GPR161: variants seen among roughly 807,000 people sequenced by gnomAD.
GPR161 encodes G protein-coupled receptor 161, also known as G-protein coupled receptor RE2.
A neutral mutation model predicts 39.2 loss-of-function variants in GPR161; 25 were observed. The ratio of observed to expected loss-of-function variants is 0.64; its 90% CI spans 0.47 to 0.89. The LOEUF (loss-of-function observed/expected upper bound fraction) is 0.89, where lower values mean the gene tolerates loss of function less well. GPR161 is among the 40% of genes least tolerant of loss of function. GPR161 has a pLI of 0.00. For synonymous variants in GPR161, 286 were observed against 276.6 expected (o/e 1.03, Z -0.34); for missense variants, 547 against 677.8 (o/e 0.81, Z 2.14).
intron 4 of GPR161, 60 bp from the exon 5 acceptor site, chr1:168,087,764 CT>C: frequency 6.5e-7 from 1 of 1,533,366 alleles, no homozygotes; most frequent in African/African-American, 1.4e-5. Context: ...CTGGCCTCTT[CT>C]CCCCTCTCAA....
Position 168,084,598 on chromosome 1 carries a change from G to A in GPR161, c.*933C>T. 2.8e-6 allele frequency: 1 copy of A among 360,760 alleles called. No homozygotes were observed. Among genetic ancestry groups the A allele is most frequent in the Non-Finnish European group, 5.4e-6 (1 of 185,372 alleles). 22.3% of individuals were successfully genotyped at this position (360,760 alleles called of 1,614,324 possible). A position where few individuals can be genotyped will look rare whatever the true frequency, so the allele number is the denominator to read the frequency against. The stretch of plus-strand genomic sequence containing the variant: ...TCTTGGGAGTGTGCCATGCAGAACT[G>A]AGGCCAGCTATTTTCATTGGTCACT... On this transcript the variant is annotated 3_prime_UTR_variant, in exon 6 of 6. Coordinates refer to ENST00000682931, the MANE Select transcript of GPR161 (RefSeq NM_001375883.1).
At chr1:168,090,035 C>G (rs891627906) in intron 4 of GPR161, among the ~76,000 whole-genome samples, 1 of 152,216 alleles carries the variant, frequency 6.6e-6, no homozygotes, top group African/African-American at 2.4e-5. Flanking sequence ...AGGGCTCCTT[C>G]TGTGCCAAGA....
At chr1:168,133,361 C>T (rs1399530217) in intron 1 of GPR161, among the ~76,000 whole-genome samples, 1 of 152,142 alleles carries the variant, frequency 6.6e-6, no homozygotes, top group Non-Finnish European at 1.5e-5. Context: ...ACAGATCCCA[C>T]GTCCAGGAAC....
At chr1:168,137,441 C>T, upstream of GPR161, 1 of 1,508,314 alleles carries the variant, frequency 6.6e-7, no homozygotes, top group South Asian at 1.2e-5. Context: ...TTCTGCCAGG[C>T]TCTGTCCCGG....
In GPR161 at chr1:168,080,143, A is replaced by T. The variant is rs1477263579; in HGVS notation, c.*5388T>A. 1.3e-5 allele frequency: 2 copies of T among 152,188 alleles called. No individual in the cohort carries two copies. The highest frequency in any genetic ancestry group is 4.8e-5 in the African/African-American group (2 of 41,446). 9.4% of individuals were successfully genotyped at this position (152,188 alleles called of 1,614,324 possible). On this transcript the variant is annotated 3_prime_UTR_variant, in exon 6 of 6. Transcript: ENST00000682931. ...AGTATTTGTTAGATACTTTCCAGTG[A>T]GTCCAGTCACTTTCCTTGGGCCTTC... is the stretch of plus-strand genomic sequence containing the variant.
chr1:168,117,983 GAAAGAAAC>G (rs1274657003), intron 1 of GPR161, among the ~76,000 whole-genome samples: 3 of 140,500 alleles, frequency 2.1e-5, no homozygotes, highest in East Asian at 4.2e-4. Context: ...TTTAAAAACA[GAAAGAAAC>G]AAACAAATAA....
intron 3 of GPR161, among the ~76,000 whole-genome samples, chr1:168,094,101 G>T (rs573851481): frequency 1.3e-5 from 2 of 152,302 alleles, no homozygotes; most frequent in South Asian, 4.1e-4. Flanking sequence ...GGTGTTTTCC[G>T]CCTGTGCTCA....
At chr1:168,119,233 T>TATATACATATATATGTATAC (rs1697914188) in intron 1 of GPR161, among the ~76,000 whole-genome samples, 19 of 118,568 alleles carry the variant, frequency 1.6e-4, no homozygotes, top group African/African-American at 4.0e-4. Flanking sequence ...TATACGTATA[T>TATATACATATATATGTATAC]ATATATATAC....
chr1:168,137,176 G>A, upstream of GPR161: 2 of 1,385,650 alleles, frequency 1.4e-6, no homozygotes, highest in South Asian at 3.3e-5. Flanking sequence ...CTCTCGGCTC[G>A]CCCCACTTTT....
rs558592087 is a variant in GPR161, at chr1:168,084,643, C to G, written c.*888G>C. ...GTCACTCAAACATCACACATAGAAT[C>G]TATTTAATGAGGCTTTCCCATGTGA... is the stretch of plus-strand genomic sequence containing the variant. On this transcript the variant is annotated 3_prime_UTR_variant, in exon 6 of 6. Coordinates refer to ENST00000682931, the MANE Select transcript of GPR161 (RefSeq NM_001375883.1). The G allele has an allele frequency of 5.5e-6, 2 of 364,702 alleles. No homozygotes were observed. Among genetic ancestry groups the G allele is most frequent in the Admixed American group, 7.4e-5 (2 of 26,974 alleles). 22.6% of individuals were successfully genotyped at this position (364,702 alleles called of 1,614,324 possible). A position where few individuals can be genotyped will look rare whatever the true frequency, so the allele number is the denominator to read the frequency against.
At chr1:168,112,022 G>A (rs956389625) in intron 1 of GPR161, among the ~76,000 whole-genome samples, 7 of 151,190 alleles carry the variant, frequency 4.6e-5, no homozygotes, top group African/African-American at 1.7e-4. Context: ...AGGAACCTTT[G>A]CCCTAAAGTT....
intron 1 of GPR161, among the ~76,000 whole-genome samples, chr1:168,126,732 A>G (rs1237468583): frequency 6.6e-6 from 1 of 152,136 alleles, no homozygotes; most frequent in Non-Finnish European, 1.5e-5. Context: ...GGGATTACAG[A>G]TATGAGTCAC....
intron 1 of GPR161, among the ~76,000 whole-genome samples, chr1:168,115,839 G>A (rs1227574953): frequency 3.3e-5 from 5 of 151,568 alleles, no homozygotes; most frequent in Admixed American, 2.6e-4. Context: ...GCAGTGGCGC[G>A]ATCTCGGCTC....
chr1:168,136,530 C>T (rs919821572), intron 1 of GPR161: 417 of 1,264,280 alleles, frequency 3.3e-4, no homozygotes, highest in South Asian at 6.2e-4. Context: ...CCACAAAGAG[C>T]TCCAGCTCTC....
At chr1:168,131,122 T>C (rs1698955759) in intron 1 of GPR161, among the ~76,000 whole-genome samples, 1 of 152,138 alleles carries the variant, frequency 6.6e-6, no homozygotes, top group African/African-American at 2.4e-5. Context: ...CAAAACTTCA[T>C]CCTCACTGCC....
chr1:168,128,371 G>A (rs1698745094), intron 1 of GPR161, among the ~76,000 whole-genome samples: 1 of 152,138 alleles, frequency 6.6e-6, no homozygotes, highest in African/African-American at 2.4e-5. Flanking sequence ...TGTCACACCT[G>A]GGGGATGCTA....
chr1:168,135,512 C>T (rs754287553), intron 1 of GPR161, among the ~76,000 whole-genome samples: 2 of 152,222 alleles, frequency 1.3e-5, no homozygotes, highest in Non-Finnish European at 2.9e-5. Flanking sequence ...CCTGAGGTCC[C>T]TCCCACCTCC....
At chr1:168,132,911 A>AT (rs1472454582) in intron 1 of GPR161, among the ~76,000 whole-genome samples, 6 of 151,930 alleles carry the variant, frequency 3.9e-5, no homozygotes, top group African/African-American at 1.2e-4. Context: ...TGCCCGGCTA[A>AT]TTTTTGTATT....
chr1:168,136,321 G>A (rs1699367516), intron 1 of GPR161: 2 of 1,485,632 alleles, frequency 1.3e-6, no homozygotes. Flanking sequence ...GCCCTGAGCG[G>A]GACGTGGAGT....
Sources: allele counts gnomAD v4.1 joint callset (sites outside exome capture counted in the v4.1 genomes callset), GRCh38; gene constraint gnomAD v4.1.1; transcripts MANE v1.5; gene names NCBI Gene and HGNC (gene_info 2026-07-23, HGNC 2026-07-21).